Variants in CIMAP3 observed in about 807,000 individuals in gnomAD.
The protein encoded by CIMAP3 is ciliary microtubule-associated protein 3.
At chr1:111,339,640 C>A in the CIMAP3 span, among the ~76,000 whole-genome samples, 4 of 151,716 alleles carry the variant, frequency 2.6e-5, no homozygotes, top group African/African-American at 9.7e-5. Flanking sequence ...TAGGAATCCA[C>A]CTTACAAGGG....
At chr1:111,325,980 A>C in the CIMAP3 span, among the ~76,000 whole-genome samples, 1 of 152,194 alleles carries the variant, frequency 6.6e-6, no homozygotes, top group African/African-American at 2.4e-5. Context: ...ATTACAAGCC[A>C]TTGAAATGAA....
chr1:111,341,157 T>C, the CIMAP3 span, among the ~76,000 whole-genome samples: 6 of 137,422 alleles, frequency 4.4e-5, no homozygotes, highest in Non-Finnish European at 1.5e-5. Flanking sequence ...AACTGAACAA[T>C]GAGAACATAT....
the CIMAP3 span, chr1:111,346,916 C>A: frequency 1.2e-6 from 2 of 1,613,600 alleles, no homozygotes; most frequent in East Asian, 2.2e-5. Flanking sequence ...TTAGACGCTG[C>A]GGATAACTAC....
chr1:111,341,405 G>A, the CIMAP3 span, among the ~76,000 whole-genome samples: 1 of 152,062 alleles, frequency 6.6e-6, no homozygotes, highest in Non-Finnish European at 1.5e-5. Context: ...AAAGTATTGA[G>A]AAAATATCAG....
At chr1:111,346,838 T>A in the CIMAP3 span, 1 of 1,589,222 alleles carries the variant, frequency 6.3e-7, no homozygotes, top group Admixed American at 1.7e-5. Context: ...CTCCCCGACC[T>A]TCCCCTCCCG....
the CIMAP3 span, among the ~76,000 whole-genome samples, chr1:111,333,240 A>G: frequency 6.6e-6 from 1 of 152,220 alleles, no homozygotes. Context: ...CCTGCTGTGC[A>G]GGACCAGCAT....
chr1:111,334,121 A>G, the CIMAP3 span, among the ~76,000 whole-genome samples: 4 of 152,374 alleles, frequency 2.6e-5, no homozygotes, highest in African/African-American at 9.6e-5. Flanking sequence ...TACCTTGAAA[A>G]TATGGTAATC....
the CIMAP3 span, chr1:111,351,413 T>C: frequency 8.3e-7 from 1 of 1,200,042 alleles, no homozygotes; most frequent in South Asian, 1.6e-5. Context: ...TCTACGTTAC[T>C]GTGGCCCTCT....
the CIMAP3 span, among the ~76,000 whole-genome samples, chr1:111,348,071 A>G: frequency 6.6e-6 from 1 of 152,200 alleles, no homozygotes; most frequent in African/African-American, 2.4e-5. Context: ...GTTTATATAC[A>G]TTATATTGTC....
At chr1:111,341,190 T>C in the CIMAP3 span, among the ~76,000 whole-genome samples, 2 of 139,562 alleles carry the variant, frequency 1.4e-5, no homozygotes, top group African/African-American at 2.7e-5. Flanking sequence ...GGGAACATCA[T>C]ACTCTGGGGA....
At chr1:111,326,254 C>A in the CIMAP3 span, among the ~76,000 whole-genome samples, 1 of 152,254 alleles carries the variant, frequency 6.6e-6, no homozygotes, top group East Asian at 1.9e-4. Flanking sequence ...CACCTTGTAT[C>A]TAAGTGTATG....
the CIMAP3 span, among the ~76,000 whole-genome samples, chr1:111,343,302 A>G: frequency 6.6e-6 from 1 of 152,208 alleles, no homozygotes; most frequent in African/African-American, 2.4e-5. Flanking sequence ...ACTTATCCTC[A>G]TTAAATTAGA....
the CIMAP3 span, among the ~76,000 whole-genome samples, chr1:111,330,938 G>GA: frequency 6.6e-6 from 1 of 152,112 alleles, no homozygotes; most frequent in Admixed American, 6.5e-5. Flanking sequence ...CTCCATTTCT[G>GA]AAAAATATCT....
the CIMAP3 span, among the ~76,000 whole-genome samples, chr1:111,326,077 C>T: frequency 6.6e-6 from 1 of 152,092 alleles, no homozygotes; most frequent in African/African-American, 2.4e-5. Context: ...TTGTTACTTG[C>T]ATAGAATGTG....
the CIMAP3 span, among the ~76,000 whole-genome samples, chr1:111,345,602 T>A: frequency 1.3e-5 from 2 of 152,200 alleles, no homozygotes; most frequent in Non-Finnish European, 1.5e-5. Flanking sequence ...TTTTGGAAAG[T>A]CTACCTTAGA....
the CIMAP3 span, among the ~76,000 whole-genome samples, chr1:111,329,204 C>T: frequency 4.6e-5 from 7 of 151,976 alleles, no homozygotes; most frequent in Admixed American, 2.0e-4. Flanking sequence ...AGGGTTTCAG[C>T]GGAGAGGTCA....
chr1:111,333,531 G>A, the CIMAP3 span, among the ~76,000 whole-genome samples: 822 of 152,310 alleles, frequency 5.4e-3, 12 homozygotes, highest in South Asian at 0.023. Flanking sequence ...CAGGGCTCAT[G>A]AGGACTGTGG....
At chr1:111,351,504 T>A in the CIMAP3 span, 1 of 471,718 alleles carries the variant, frequency 2.1e-6, no homozygotes, top group Non-Finnish European at 3.7e-6. Context: ...CACAGTGCTA[T>A]CTCCATCTAC....
At chr1:111,329,280 T>A in the CIMAP3 span, among the ~76,000 whole-genome samples, 1 of 151,938 alleles carries the variant, frequency 6.6e-6, no homozygotes, top group Admixed American at 6.6e-5. Flanking sequence ...CTTTTAACAT[T>A]CTTTCTTTCA....
Sources: allele counts gnomAD v4.1 joint callset (sites outside exome capture counted in the v4.1 genomes callset), GRCh38; gene constraint gnomAD v4.1.1; transcripts MANE v1.5; gene names NCBI Gene and HGNC (gene_info 2026-07-23, HGNC 2026-07-21).